The following TMTC1 variants were observed in gnomAD, a reference collection of about 807,000 sequenced individuals.
The protein encoded by TMTC1 is transmembrane O-mannosyltransferase targeting cadherins 1, also known as protein O-mannosyl-transferase TMTC1.
A neutral mutation model predicts 104.8 loss-of-function variants in TMTC1; 73 were observed. The observed-to-expected ratio is 0.70, with a 90% CI of 0.58 to 0.85. TMTC1 has a LOEUF of 0.85. Ranked by LOEUF, TMTC1 falls within the 40% of genes least tolerant of loss-of-function variation. The probability of loss-of-function intolerance (pLI) is 0.00; values close to 1 mark genes in which losing one functional copy is unlikely to be tolerated. For synonymous variants in TMTC1, 434 were observed against 428.7 expected, an observed-to-expected ratio of 1.01 and a Z score of -0.15; for missense variants, 1,035 against 1,096.1, an observed-to-expected ratio of 0.94 and a Z score of 0.79.
intron 12 of TMTC1, among the ~76,000 whole-genome samples, chr12:29,518,880 G>T (rs1280757268): frequency 6.6e-6 from 1 of 151,998 alleles, no homozygotes; most frequent in Non-Finnish European, 1.5e-5. Context: ...TATTTTAGTC[G>T]AAATTTTTCT....
At chr12:29,588,098 T>A (rs565708835) in intron 7 of TMTC1, among the ~76,000 whole-genome samples, 23 of 152,178 alleles carry the variant, frequency 1.5e-4, no homozygotes, top group African/African-American at 5.3e-4. Context: ...GGTTCATGGT[T>A]TGGCCAAAGA....
At chr12:29,544,255 A>C (rs1265641911) in intron 10 of TMTC1, among the ~76,000 whole-genome samples, 1 of 152,022 alleles carries the variant, frequency 6.6e-6, no homozygotes, top group African/African-American at 2.4e-5. Context: ...AAAAAAAAAA[A>C]AAAGTCAATT....
At chr12:29,571,556 T>C (rs1444562820) in intron 9 of TMTC1, among the ~76,000 whole-genome samples, 1 of 148,722 alleles carries the variant, frequency 6.7e-6, no homozygotes, top group Non-Finnish European at 1.5e-5. Context: ...TGGAAGACTA[T>C]AAGGAGAATG....
In TMTC1 at chr12:29,615,621, C is replaced by T. The variant is rs531258133; in HGVS notation, c.1129-11322G>A. Reference sequence around the variant, plus strand: ...TTTCATGAATGGCCTTGCAGGGTCCCTCATCCATCAGGACTCCCAGCAGTC... The same window carrying T: ...TTTCATGAATGGCCTTGCAGGGTCCTTCATCCATCAGGACTCCCAGCAGTC... On this transcript the variant is annotated intron_variant, in intron 6 of 17. Transcript: ENST00000539277. Among the ~76,000 whole-genome samples, 10 of 152,230 alleles carry T rather than the reference C, an allele frequency of 6.6e-5. No homozygotes were observed. The East Asian group carries it at 1.9e-3, about 29-fold the overall frequency.
chr12:29,599,442 T>C (rs1030381039), intron 7 of TMTC1, among the ~76,000 whole-genome samples: 1 of 152,238 alleles, frequency 6.6e-6, no homozygotes, highest in Non-Finnish European at 1.5e-5. Context: ...TCCACAGATT[T>C]CAAAGTGCAA....
In TMTC1 at chr12:29,588,109, G is replaced by A. The variant is rs536465514; in HGVS notation, c.1251-4535C>T. On this transcript the variant is annotated intron_variant, in intron 7 of 17. Coordinates refer to ENST00000539277, the MANE Select transcript of TMTC1 (RefSeq NM_001193451.2). ...TTAGGGTTCATGGTTTGGCCAAAGAGAGTCACCATCCTACTCCCCACTGAG... is the reference window on the plus strand; with the variant it reads ...TTAGGGTTCATGGTTTGGCCAAAGAAAGTCACCATCCTACTCCCCACTGAG... Among the ~76,000 whole-genome samples the A allele has an allele frequency of 5.3e-5, 8 of 152,206 alleles. No individual in the cohort carries two copies. The South Asian group carries it at 8.3e-4, about 16-fold the overall frequency.
intron 5 of TMTC1, among the ~76,000 whole-genome samples, chr12:29,662,746 G>A (rs1940094068): frequency 6.6e-6 from 1 of 151,862 alleles, no homozygotes; most frequent in South Asian, 2.1e-4. Flanking sequence ...GTACTGTGAG[G>A]AGGTGAGAGC....
intron 15 of TMTC1, among the ~76,000 whole-genome samples, chr12:29,516,071 A>G (rs779242934): frequency 2.6e-5 from 4 of 152,118 alleles, no homozygotes; most frequent in Non-Finnish European, 4.4e-5. Flanking sequence ...TAAAGCATAT[A>G]AATGTTGGTC....
rs978599021 is a variant in TMTC1 at position 29,761,773 on chromosome 12, G to A, written c.481-2996C>T. ...TCACAGAAGACCCGAGGTCTATGGTGTGTTAAAGAATCCATCAACAATTAA... is the reference window on the plus strand; with the variant it reads ...TCACAGAAGACCCGAGGTCTATGGTATGTTAAAGAATCCATCAACAATTAA... On this transcript the variant is annotated intron_variant, in intron 2 of 17. Coordinates refer to ENST00000539277, the MANE Select transcript of TMTC1 (RefSeq NM_001193451.2). Among the ~76,000 whole-genome samples, 5 of 152,306 alleles carry A rather than the reference G, an allele frequency of 3.3e-5. No individual in the cohort carries two copies. The East Asian group carries it at 7.7e-4, about 24-fold the overall frequency.
chr12:29,703,150 A>G (rs910468654), intron 5 of TMTC1, among the ~76,000 whole-genome samples: 1 of 152,018 alleles, frequency 6.6e-6, no homozygotes, highest in Non-Finnish European at 1.5e-5. Context: ...TCTCAAAAAA[A>G]AAAAAAAAGG....
intron 5 of TMTC1, among the ~76,000 whole-genome samples, chr12:29,694,766 A>C (rs982228442): frequency 2.6e-5 from 4 of 151,946 alleles, no homozygotes; most frequent in African/African-American, 9.7e-5. Flanking sequence ...ATGGTGAAAC[A>C]CCGTCTCTAC....
At chr12:29,647,139 C>G (rs1422198468) in intron 5 of TMTC1, among the ~76,000 whole-genome samples, 1 of 152,136 alleles carries the variant, frequency 6.6e-6, no homozygotes, top group Non-Finnish European at 1.5e-5. Context: ...TCTGCCTCAG[C>G]CTCCCGAGTA....
chr12:29,763,004 A>G (rs540236989), intron 2 of TMTC1, among the ~76,000 whole-genome samples: 1 of 152,242 alleles, frequency 6.6e-6, no homozygotes, highest in Non-Finnish European at 1.5e-5. Flanking sequence ...ATCTGGACCG[A>G]GAAGGGCACT....
intron 12 of TMTC1, among the ~76,000 whole-genome samples, chr12:29,520,144 T>C (rs1944107114): frequency 6.6e-6 from 1 of 152,232 alleles, no homozygotes; most frequent in South Asian, 2.1e-4. Context: ...ACCTGTCATA[T>C]AAGAGCATTG....
Position 29,609,330 on chromosome 12 carries a change from C to A in TMTC1, c.1129-5031G>T, listed in dbSNP as rs12580550. Among the ~76,000 whole-genome samples, 8 of 152,330 alleles carry A rather than the reference C, an allele frequency of 5.3e-5. No homozygotes were observed. The East Asian group carries it at 1.3e-3, about 26-fold the overall frequency. On this transcript the variant is annotated intron_variant, in intron 6 of 17. Transcript: ENST00000539277. ...CCCCTCTTCAGCCCCGGGGTTAAGG[C>A]ATTTGCCAGGCTGACAGCTAGTATG...
chr12:29,556,755 C>A, intron 10 of TMTC1, 102 bp downstream of exon 10: 1 of 1,470,798 alleles, frequency 6.8e-7, no homozygotes, highest in Non-Finnish European at 9.3e-7. Context: ...AATTATTCAG[C>A]TCCAGAGAGA....
In TMTC1 at chr12:29,518,347, G is replaced by A. The variant is rs1944049746; in HGVS notation, c.2024+125C>T. On this transcript the variant is annotated intron_variant, in intron 13 of 17. Coordinates refer to ENST00000539277, the MANE Select transcript of TMTC1 (RefSeq NM_001193451.2). ...TTGCTTTCTTTGGAGATAAAAATTT[G>A]TATCACCTGAATTGGCAAAATTTGC... The A allele has an allele frequency of 2.8e-6, 3 of 1,074,720 alleles. No homozygotes were observed. In the South Asian group the frequency reaches 6.5e-5, roughly 23 times the overall value. The allele number at this position is 1,074,720 out of a possible 1,614,324, so 66.6% of individuals were successfully genotyped here. A position where few individuals can be genotyped will look rare whatever the true frequency, so the allele number is the denominator to read the frequency against.
At chr12:29,599,406 C>A (rs2136383956) in intron 7 of TMTC1, among the ~76,000 whole-genome samples, 1 of 152,324 alleles carries the variant, frequency 6.6e-6, no homozygotes, top group African/African-American at 2.4e-5. Flanking sequence ...CAATGCTAAG[C>A]AGATAGCCTA....
intron 5 of TMTC1, among the ~76,000 whole-genome samples, chr12:29,695,342 T>C (rs1372647534): frequency 6.6e-6 from 1 of 151,694 alleles, no homozygotes; most frequent in Non-Finnish European, 1.5e-5. Context: ...CAGTCTCACT[T>C]TGTTGACAGG....
Sources: allele counts gnomAD v4.1 joint callset (sites outside exome capture counted in the v4.1 genomes callset), GRCh38; gene constraint gnomAD v4.1.1; transcripts MANE v1.5; gene names NCBI Gene and HGNC (gene_info 2026-07-23, HGNC 2026-07-21).